Variants in MAP3K4 observed in about 807,000 individuals in gnomAD.
The protein encoded by MAP3K4 is MAP three kinase 1.
In MAP3K4, 67 loss-of-function variants were observed where a neutral mutation model predicts 185.6. That is an observed-to-expected ratio of 0.36 (90% CI 0.30 to 0.44). The LOEUF is 0.44. Ranked by LOEUF, MAP3K4 falls within the 20% of genes least tolerant of loss-of-function variation. The pLI, the probability that MAP3K4 is intolerant of heterozygous loss-of-function variation, is 1.00. For missense variants in MAP3K4, 1,551 were observed against 1,995.1 expected, an observed-to-expected ratio of 0.78 and a Z score of 4.24; for synonymous variants, 702 against 710.4, an observed-to-expected ratio of 0.99 and a Z score of 0.19.
chr6:161,011,460 C>G (rs1363557282), intron 1 of MAP3K4, among the ~76,000 whole-genome samples: 1 of 152,176 alleles, frequency 6.6e-6, no homozygotes, highest in Non-Finnish European at 1.5e-5. Context: ...CAACCCCCCT[C>G]CCTTCTTCAC....
rs771791988 is a variant in MAP3K4 at position 161,106,537 on chromosome 6, A to G, written c.3880A>G (p.Ile1294Val). 1.2e-6 allele frequency: 2 copies of G among 1,612,300 alleles called. No individual in the cohort carries two copies. Among genetic ancestry groups the G allele is most frequent in the South Asian group, 1.1e-5 (1 of 90,904 alleles). Residue 1294 changes from isoleucine (I) to valine (V), a missense_variant, in exon 20 of 27, where the codon ATA (isoleucine) becomes GTA (valine). By Grantham distance (29) the Ile-to-Val change is conservative. Transcript: ENST00000392142. The surrounding 1 kb of genome is among the most constrained non-coding windows in gnomAD (Gnocchi z 4.9). ...SKDTASKLGP[I>V]EAIQKSVRLF... is the part of the protein sequence containing the mutation. ...AGATACTGCTTCTAAACTAGGACCC[A>G]TAGAAGCTATCCAGAAGTCAGTCCG...
Position 161,017,865 on chromosome 6 carries a change from C to T in MAP3K4, c.153-16394C>T, listed in dbSNP as rs767461253. 8.5e-5 allele frequency among the ~76,000 whole-genome samples: 13 copies of T among 152,126 alleles called. No individual in the cohort carries two copies. Among genetic ancestry groups the T allele is most frequent in the Admixed American group, 2.6e-4 (4 of 15,278 alleles). ...CAAATGTGTGATGAAGCTGATTGTG[C>T]GTTATGTTATTATAACCCTAAAAAT... is the stretch of plus-strand genomic sequence containing the variant. On this transcript the variant is annotated intron_variant, in intron 1 of 26. Coordinates refer to ENST00000392142, the MANE Select transcript of MAP3K4 (RefSeq NM_005922.4). This position sits in a 1 kb window ranked among gnomAD's most constrained non-coding sequence, Gnocchi z 5.1.
At chr6:160,993,738 A>T (rs1375327658) in intron 1 of MAP3K4, among the ~76,000 whole-genome samples, 1 of 146,704 alleles carries the variant, frequency 6.8e-6, no homozygotes, top group Non-Finnish European at 1.5e-5. Flanking sequence ...TCAGTGGTAA[A>T]AAAAAAAAAA....
rs931147608 is a variant in MAP3K4, at chr6:161,051,422, A to T, written c.1707+1443A>T. On this transcript the variant is annotated intron_variant, in intron 3 of 26. Transcript: ENST00000392142. This position sits in a 1 kb window ranked among gnomAD's most constrained non-coding sequence, Gnocchi z 4.2. ...TAAGCATTCACATAAATTCAGGAAG[A>T]TGTTTACAACATGAACCAGTGCTTT... Among the ~76,000 whole-genome samples, 1 of 152,230 alleles carries T rather than the reference A, an allele frequency of 6.6e-6. No homozygotes were observed. The highest frequency in any genetic ancestry group is 1.5e-5 in the Non-Finnish European group (1 of 68,040).
At position 161,097,336 on chromosome 6, in the gene MAP3K4, G is replaced by A. The variant is rs1029969130; in HGVS notation, c.3524+160G>A. Reference sequence around the variant, plus strand: ...TTGCATTATCTTGAAACCTTTAGTCGCAAAAGAAAAAGACATGCAAATTTA... The same window carrying A: ...TTGCATTATCTTGAAACCTTTAGTCACAAAAGAAAAAGACATGCAAATTTA... On this transcript the variant is annotated intron_variant, in intron 16 of 26. Coordinates refer to ENST00000392142, the MANE Select transcript of MAP3K4 (RefSeq NM_005922.4). The surrounding 1 kb of genome is among the most constrained non-coding windows in gnomAD (Gnocchi z 4.9). Among the ~76,000 whole-genome samples, 2 of 152,084 alleles carry A rather than the reference G, an allele frequency of 1.3e-5. No individual in the cohort carries two copies. Among genetic ancestry groups the A allele is most frequent in the African/African-American group, 4.8e-5 (2 of 41,418 alleles).
chr6:161,087,921 G>C lies in MAP3K4; in HGVS notation c.2790G>C (p.Gln930His). 6.2e-7 allele frequency: 1 copy of C among 1,613,934 alleles called. No homozygotes were observed. The highest frequency in any genetic ancestry group is 8.5e-7 in the Non-Finnish European group (1 of 1,179,958). The part of the protein sequence containing the change: ...WEAQPVKVVP[Q>H]VETVDTLRSM... ...CACAGCCTGTCAAAGTCGTGCCTCAGGTGGAGACTGTTGACACCCTGAGAA... is the reference window on the plus strand; with the variant it reads ...CACAGCCTGTCAAAGTCGTGCCTCACGTGGAGACTGTTGACACCCTGAGAA... Residue 930 changes from glutamine to histidine, a missense_variant, in exon 10 of 27, where the codon CAG (glutamine) becomes CAC (histidine). Physicochemically the swap from Gln to His is conservative, Grantham distance 24 (BLOSUM62 0). Coordinates refer to ENST00000392142, the MANE Select transcript of MAP3K4 (RefSeq NM_005922.4). The surrounding 1 kb of genome is among the most constrained non-coding windows in gnomAD (Gnocchi z 4.9).
In MAP3K4 at chr6:161,097,295, A is replaced by T. The variant is rs1165904528; in HGVS notation, c.3524+119A>T. ...TAAATACCTTTTCTGCATTGTTCGT[A>T]CGTAAAAGCTCTTACTTGCATTATC... is the stretch of plus-strand genomic sequence containing the variant. On this transcript the variant is annotated intron_variant, in intron 16 of 26. Transcript: ENST00000392142. The surrounding 1 kb of genome is among the most constrained non-coding windows in gnomAD (Gnocchi z 4.9). 3.9e-6 allele frequency: 3 copies of T among 772,178 alleles called. No individual in the cohort carries two copies. Among genetic ancestry groups the T allele is most frequent in the Non-Finnish European group, 4.2e-6 (2 of 477,312 alleles). The allele number at this position is 772,178 out of a possible 1,614,324, so 47.8% of individuals were successfully genotyped here. A position where few individuals can be genotyped will look rare whatever the true frequency, so the allele number is the denominator to read the frequency against.
At position 161,081,641 on chromosome 6, in the gene MAP3K4, G is replaced by A. The variant is rs538268690; in HGVS notation, c.2255+603G>A. On this transcript the variant is annotated intron_variant, in intron 6 of 26. Transcript: ENST00000392142. ...ATCATGAAGAGAGCAGTGCAGAGTC[G>A]CAGGGCTGGTCTGTCAGTTCTAGGA... 1.1e-4 allele frequency among the ~76,000 whole-genome samples: 16 copies of A among 152,298 alleles called. 1 individual carries two copies. Among genetic ancestry groups the A allele is most frequent in the Admixed American group, 3.3e-4 (5 of 15,304 alleles).
chr6:160,998,812 T>C (rs905187088), intron 1 of MAP3K4, among the ~76,000 whole-genome samples: 6 of 152,250 alleles, frequency 3.9e-5, no homozygotes, highest in African/African-American at 1.4e-4. Context: ...AAAAGATACA[T>C]TATTCCACTG....
rs756697467 is a variant in MAP3K4 at position 161,070,574 on chromosome 6, C to G, written c.1708-34C>G. ...ACCGTAGAACGTTGTCTCGTATGCT[C>G]TTTTAATCTGTGCCTGTTGAATTTT... On this transcript the variant is annotated intron_variant, in intron 3 of 26. Coordinates refer to ENST00000392142, the MANE Select transcript of MAP3K4 (RefSeq NM_005922.4). This position sits in a 1 kb window ranked among gnomAD's most constrained non-coding sequence, Gnocchi z 4.5. The G allele has an allele frequency of 1.9e-6, 3 of 1,604,432 alleles. No individual in the cohort carries two copies. Among genetic ancestry groups the G allele is most frequent in the Non-Finnish European group, 1.7e-6 (2 of 1,175,280 alleles).
rs1445240247 is a variant in MAP3K4 at position 161,023,878 on chromosome 6, A to G, written c.153-10381A>G. ...TTTTATACCTGTACAGTAACATCAC[A>G]ATTATTAAGCAGTCATGAAACTATT... is the stretch of plus-strand genomic sequence containing the variant. On this transcript the variant is annotated intron_variant, in intron 1 of 26. Coordinates refer to ENST00000392142, the MANE Select transcript of MAP3K4 (RefSeq NM_005922.4). 2.0e-5 allele frequency among the ~76,000 whole-genome samples: 3 copies of G among 152,232 alleles called. No homozygotes were observed. In the South Asian group the frequency reaches 6.2e-4, roughly 32 times the overall value.
In MAP3K4 at chr6:161,112,848, T is replaced by C; in HGVS notation, c.4626+74T>C. On this transcript the variant is annotated intron_variant, in intron 25 of 26. Transcript: ENST00000392142. The surrounding 1 kb of genome is among the most constrained non-coding windows in gnomAD (Gnocchi z 5.1). ...GCATTAACAGAACAGTAGTTATGGA[T>C]TGATTATTTATTACAAACACTGTGG... 1 of 969,126 alleles carries C rather than the reference T, an allele frequency of 1.0e-6. No homozygotes were observed. 60.0% of individuals were successfully genotyped at this position (969,126 alleles called of 1,614,324 possible). A position where few individuals can be genotyped will look rare whatever the true frequency, so the allele number is the denominator to read the frequency against.
intron 1 of MAP3K4, among the ~76,000 whole-genome samples, chr6:161,028,526 G>T (rs549489824): frequency 1.3e-5 from 2 of 152,256 alleles, no homozygotes; most frequent in South Asian, 4.2e-4. Flanking sequence ...TATTCAATCA[G>T]CAAGTAGTTT....
chr6:160,992,267 G>A, intron 1 of MAP3K4, 184 bp downstream of exon 1: 3 of 796,682 alleles, frequency 3.8e-6, no homozygotes, highest in South Asian at 2.2e-5. Flanking sequence ...GAGTCTGTCC[G>A]GCGACTCCTC....
chr6:161,034,495 CTTGA>C lies in MAP3K4; in HGVS notation c.343+53_343+56del. On this transcript the variant is annotated intron_variant, in intron 2 of 26. Transcript: ENST00000392142. This position sits in a 1 kb window ranked among gnomAD's most constrained non-coding sequence, Gnocchi z 4.4. Reference sequence around the variant, plus strand: ...GAGGTGTACATGAGAGGGTATGGCACTTGATTGATTCTTTCAACAATAAAGTTAG... The same window carrying C: ...GAGGTGTACATGAGAGGGTATGGCACTTGATTCTTTCAACAATAAAGTTAG... 1 of 1,417,656 alleles carries C rather than the reference CTTGA, an allele frequency of 7.1e-7. No individual in the cohort carries two copies. The highest frequency in any genetic ancestry group is 9.7e-7 in the Non-Finnish European group (1 of 1,030,998). 87.8% of individuals were successfully genotyped at this position (1,417,656 alleles called of 1,614,324 possible).
At chr6:161,060,626 T>C (rs1321839460) in intron 3 of MAP3K4, among the ~76,000 whole-genome samples, 3 of 148,740 alleles carry the variant, frequency 2.0e-5, no homozygotes, top group Admixed American at 6.6e-5. Context: ...TTCTTTTTTT[T>C]TTTTTTTTTT....
At chr6:161,113,228 G>A (rs1215099828) in intron 25 of MAP3K4, among the ~76,000 whole-genome samples, 1 of 152,174 alleles carries the variant, frequency 6.6e-6, no homozygotes, top group Non-Finnish European at 1.5e-5. Context: ...GAAAGACATG[G>A]AGGAACCTTC....
intron 1 of MAP3K4, among the ~76,000 whole-genome samples, chr6:161,009,183 C>T (rs1285132096): frequency 6.6e-6 from 1 of 152,018 alleles, no homozygotes; most frequent in African/African-American, 2.4e-5. Flanking sequence ...CGGGGTTTCA[C>T]ACCTGTTGGC....
At chr6:161,027,065 A>G (rs1782708976) in intron 1 of MAP3K4, among the ~76,000 whole-genome samples, 1 of 152,214 alleles carries the variant, frequency 6.6e-6, no homozygotes, top group African/African-American at 2.4e-5. Flanking sequence ...ACTTTATACC[A>G]GAAGACATAA....
Sources: allele counts gnomAD v4.1 joint callset (sites outside exome capture counted in the v4.1 genomes callset), GRCh38; gene constraint gnomAD v4.1.1; non-coding constraint Gnocchi (gnomAD v3.1); transcripts MANE v1.5; gene names NCBI Gene and HGNC (gene_info 2026-07-23, HGNC 2026-07-21).